ZNF569: variants seen among roughly 807,000 people sequenced by gnomAD.
The protein encoded by ZNF569 is zinc finger protein 569.
A neutral mutation model predicts 56.3 loss-of-function variants in ZNF569; 38 were observed. That is an observed-to-expected ratio of 0.68 (90% CI 0.52 to 0.88). The LOEUF is 0.88. Ranked by LOEUF, ZNF569 falls within the 40% of genes least tolerant of loss-of-function variation. ZNF569 has a pLI of 0.00. For missense variants in ZNF569, 666 were observed against 809.2 expected, an observed-to-expected ratio of 0.82 and a Z score of 2.15; for synonymous variants, 241 against 262.9, an observed-to-expected ratio of 0.92 and a Z score of 0.81.
chr19:37,464,050 T>C (rs2041794638), intron 2 of ZNF569, among the ~76,000 whole-genome samples: 1 of 151,884 alleles, frequency 6.6e-6, no homozygotes, highest in Non-Finnish European at 1.5e-5. Flanking sequence ...AAAAGAAAAA[T>C]GTTTTTATAA....
At chr19:37,417,171 GA>G (rs377751162) in intron 5 of ZNF569, among the ~76,000 whole-genome samples, 27 of 152,266 alleles carry the variant, frequency 1.8e-4, no homozygotes, top group East Asian at 9.6e-4. Flanking sequence ...AAGAGGCAAG[GA>G]AGAATCCTTC....
At chr19:37,415,404 A>G (rs952849540) in intron 5 of ZNF569, among the ~76,000 whole-genome samples, 17 of 152,154 alleles carry the variant, frequency 1.1e-4, no homozygotes, top group Non-Finnish European at 2.4e-4. Flanking sequence ...AAATAGGAAC[A>G]AATAACATTT....
intron 5 of ZNF569, among the ~76,000 whole-genome samples, chr19:37,418,082 C>A (rs1236435161): frequency 1.4e-5 from 2 of 147,214 alleles, no homozygotes; most frequent in South Asian, 2.2e-4. Context: ...GCCTGGGTAA[C>A]AGAGTGAGAC....
At chr19:37,414,571 T>C (rs1294275021) in intron 5 of ZNF569, 152 bp from the exon 6 acceptor site, 6 of 1,261,594 alleles carry the variant, frequency 4.8e-6, no homozygotes, top group Non-Finnish European at 5.2e-6. Flanking sequence ...ATATATCTCT[T>C]ATCTCTGAAG....
Position 37,436,032 on chromosome 19 carries a change from T to A in ZNF569, c.15+8875A>T, listed in dbSNP as rs531989003. Among the ~76,000 whole-genome samples, 5 of 152,320 alleles carry A rather than the reference T, an allele frequency of 3.3e-5. No individual in the cohort carries two copies. The South Asian group carries it at 8.3e-4, about 25-fold the overall frequency. On this transcript the variant is annotated intron_variant, in intron 3 of 5. Transcript: ENST00000316950. ...TATACAGACCATTTCATCCAATGGC[T>A]GCAGAATGCGCATTCTTTTCCTCAG...
chr19:37,430,957 A>T (rs1439183344), intron 3 of ZNF569, among the ~76,000 whole-genome samples: 1 of 152,224 alleles, frequency 6.6e-6, no homozygotes, highest in African/African-American at 2.4e-5. Context: ...AGGCAACACC[A>T]GGGAGAACCC....
intron 5 of ZNF569, among the ~76,000 whole-genome samples, chr19:37,417,406 G>C (rs752796569): frequency 6.6e-6 from 1 of 151,872 alleles, no homozygotes; most frequent in Non-Finnish European, 1.5e-5. Flanking sequence ...GACTAGAGGC[G>C]TGGTTAATTT....
chr19:37,430,033 A>G (rs2041199686), intron 3 of ZNF569, among the ~76,000 whole-genome samples: 1 of 152,172 alleles, frequency 6.6e-6, no homozygotes, highest in Admixed American at 6.5e-5. Context: ...TCTCTACCAA[A>G]AAATTTAAGA....
chr19:37,426,144 G>A, intron 4 of ZNF569, 108 bp downstream of exon 4: 4 of 1,400,136 alleles, frequency 2.9e-6, no homozygotes, highest in Non-Finnish European at 2.9e-6. Context: ...GCATCCCAAG[G>A]CCAAGCTCAC....
chr19:37,462,666 C>T lies in ZNF569; in HGVS notation c.-44+2647G>A, dbSNP rs991165826. ...TCACACTCACCTAGTTTTCCTTCAACGTTTCAAGCTAGTCCCCATCAGTCT... is the reference window on the plus strand; with the variant it reads ...TCACACTCACCTAGTTTTCCTTCAATGTTTCAAGCTAGTCCCCATCAGTCT... On this transcript the variant is annotated intron_variant, in intron 2 of 5. Coordinates refer to ENST00000316950, the MANE Select transcript of ZNF569 (RefSeq NM_152484.3). 3.3e-5 allele frequency among the ~76,000 whole-genome samples: 5 copies of T among 152,140 alleles called. No individual in the cohort carries two copies. The South Asian group carries it at 6.2e-4, about 19-fold the overall frequency.
intron 5 of ZNF569, among the ~76,000 whole-genome samples, chr19:37,415,241 G>A (rs150921499): frequency 1.2e-3 from 179 of 151,906 alleles, no homozygotes; most frequent in South Asian, 1.0e-3. Context: ...CCAGGGATAC[G>A]TTTCGATAAT....
At chr19:37,442,593 A>G (rs1306222081) in intron 3 of ZNF569, among the ~76,000 whole-genome samples, 6 of 152,198 alleles carry the variant, frequency 3.9e-5, no homozygotes, top group African/African-American at 1.2e-4. Context: ...TGGTTGTTCT[A>G]TGGAGAATGG....
intron 3 of ZNF569, among the ~76,000 whole-genome samples, chr19:37,437,843 A>G (rs2041337240): frequency 6.6e-6 from 1 of 152,252 alleles, no homozygotes; most frequent in Non-Finnish European, 1.5e-5. Context: ...AAATGGAAAG[A>G]TAGTCCATGC....
At chr19:37,452,055 T>C (rs1203840269) in intron 2 of ZNF569, among the ~76,000 whole-genome samples, 3 of 152,240 alleles carry the variant, frequency 2.0e-5, no homozygotes, top group African/African-American at 7.2e-5. Flanking sequence ...TTGATATGCT[T>C]TGACTTCTTT....
At chr19:37,461,196 G>A (rs1175377250) in intron 2 of ZNF569, among the ~76,000 whole-genome samples, 3 of 151,914 alleles carry the variant, frequency 2.0e-5, no homozygotes, top group Admixed American at 6.6e-5. Context: ...TTAGAATATC[G>A]CCATTTTGTA....
chr19:37,411,466 T>TA lies in ZNF569; in HGVS notation c.*1130_*1131insT, dbSNP rs765344008. On this transcript the variant is annotated 3_prime_UTR_variant, in exon 6 of 6. Transcript: ENST00000316950. Reference sequence around the variant, plus strand: ...ATCTATTCCACAATTGATAAAAATTTGTTATATCCAATTTTGGGCAATACA... The same window carrying TA: ...ATCTATTCCACAATTGATAAAAATTTAGTTATATCCAATTTTGGGCAATACA... The TA allele has an allele frequency of 6.6e-6, 1 of 152,178 alleles. No homozygotes were observed. Among genetic ancestry groups the TA allele is most frequent in the Non-Finnish European group, 1.5e-5 (1 of 68,002 alleles). 9.4% of individuals were successfully genotyped at this position (152,178 alleles called of 1,614,324 possible).
chr19:37,446,991 C>T lies in ZNF569; in HGVS notation c.-43-2027G>A, dbSNP rs982940100. Reference sequence around the variant, plus strand: ...AGAAGATATACAAATGGCCAACGAACGTATGAAAAAATACTCAACATCACT... The same window carrying T: ...AGAAGATATACAAATGGCCAACGAATGTATGAAAAAATACTCAACATCACT... On this transcript the variant is annotated intron_variant, in intron 2 of 5. Coordinates refer to ENST00000316950, the MANE Select transcript of ZNF569 (RefSeq NM_152484.3). Among the ~76,000 whole-genome samples, 4 of 152,048 alleles carry T rather than the reference C, an allele frequency of 2.6e-5. No individual in the cohort carries two copies. The South Asian group carries it at 6.2e-4, about 24-fold the overall frequency.
chr19:37,469,092 T>C (rs2041905212), upstream of ZNF569: 1 of 1,039,126 alleles, frequency 9.6e-7, no homozygotes, highest in African/African-American at 1.7e-5. Context: ...AGTGTGACGC[T>C]GGGCCCCGTC....
At chr19:37,432,945 C>T (rs7508255) in intron 3 of ZNF569, among the ~76,000 whole-genome samples, 2 of 138,010 alleles carry the variant, frequency 1.4e-5, no homozygotes, top group Non-Finnish European at 3.0e-5. Flanking sequence ...TCTCTGTAAT[C>T]CAGGCTGGAA....
Sources: allele counts gnomAD v4.1 joint callset (sites outside exome capture counted in the v4.1 genomes callset), GRCh38; gene constraint gnomAD v4.1.1; transcripts MANE v1.5; gene names NCBI Gene and HGNC (gene_info 2026-07-23, HGNC 2026-07-21).